RHOBTB1: variants seen among roughly 807,000 people sequenced by gnomAD.
The protein encoded by RHOBTB1 is rho-related BTB domain-containing protein 1.
A neutral mutation model predicts 71.6 loss-of-function variants in RHOBTB1; 40 were observed. The observed-to-expected ratio is 0.56, with a 90% CI of 0.43 to 0.73. The LOEUF (loss-of-function observed/expected upper bound fraction) is 0.73, where lower values mean the gene tolerates loss of function less well. Ranked by LOEUF, RHOBTB1 falls within the 30% of genes least tolerant of loss-of-function variation. RHOBTB1 has a pLI of 0.00. For missense variants in RHOBTB1, 797 were observed against 894.0 expected, an observed-to-expected ratio of 0.89 and a Z score of 1.38; for synonymous variants, 319 against 334.9, an observed-to-expected ratio of 0.95 and a Z score of 0.52.
At chr10:60,891,897 C>T (rs114365431) in intron 5 of RHOBTB1, among the ~76,000 whole-genome samples, 1,699 of 152,100 alleles carry the variant, frequency 0.011, 30 homozygotes, top group African/African-American at 0.039. Context: ...ATCGTGGGGG[C>T]GGTTCCCCCA....
intron 2 of RHOBTB1, among the ~76,000 whole-genome samples, chr10:60,930,427 T>C (rs992953665): frequency 1.3e-5 from 2 of 152,178 alleles, no homozygotes; most frequent in Non-Finnish European, 2.9e-5. Context: ...ATGCTTATGA[T>C]GAGTTTGCAA....
At position 60,968,281 on chromosome 10, in the gene RHOBTB1, G is replaced by C. The variant is rs183187707; in HGVS notation, c.-62+17564C>G. Among the ~76,000 whole-genome samples, 216 of 152,214 alleles carry C rather than the reference G, an allele frequency of 1.4e-3. 1 individual carries two copies. Among genetic ancestry groups the C allele is most frequent in the Middle Eastern group, 0.01 (3 of 294 alleles). ...AGATGACATGGAAGGGTGGTAAGTGGGCGTGGCATGTGGTCAGGTGTAGGA... is the reference window on the plus strand; with the variant it reads ...AGATGACATGGAAGGGTGGTAAGTGCGCGTGGCATGTGGTCAGGTGTAGGA... On this transcript the variant is annotated intron_variant, in intron 2 of 11. Coordinates refer to the RHOBTB1 transcript ENST00000357917.
chr10:60,941,266 A>C (rs1042360843), intron 2 of RHOBTB1, among the ~76,000 whole-genome samples: 3 of 152,184 alleles, frequency 2.0e-5, no homozygotes, highest in African/African-American at 7.2e-5. Flanking sequence ...AGAATTGAAC[A>C]TATTATCTAA....
intron 9 of RHOBTB1, among the ~76,000 whole-genome samples, chr10:60,874,600 G>T (rs2080953406): frequency 6.6e-6 from 1 of 152,114 alleles, no homozygotes; most frequent in African/African-American, 2.4e-5. Flanking sequence ...GGCACTACGG[G>T]GCTTCATGGA....
At chr10:60,874,892 T>C in intron 9 of RHOBTB1, 62 bp downstream of exon 9, 3 of 1,129,350 alleles carry the variant, frequency 2.7e-6, no homozygotes, top group Non-Finnish European at 4.1e-6. Context: ...ATGGAATGTT[T>C]TATCAGCATT....
intron 7 of RHOBTB1, among the ~76,000 whole-genome samples, chr10:60,881,403 G>A (rs1259330864): frequency 2.6e-5 from 4 of 152,094 alleles, no homozygotes; most frequent in South Asian, 2.1e-4. Context: ...TTTACAAAGC[G>A]CTAAGTGCTC....
intron 4 of RHOBTB1, among the ~76,000 whole-genome samples, chr10:60,900,080 G>C (rs546768452): frequency 6.6e-6 from 1 of 152,302 alleles, no homozygotes; most frequent in African/African-American, 2.4e-5. Flanking sequence ...ATGCCATTCT[G>C]CTGGAGCACA....
At chr10:60,914,652 A>T (rs74155412) in intron 2 of RHOBTB1, among the ~76,000 whole-genome samples, 2,371 of 152,272 alleles carry the variant, frequency 0.016, 73 homozygotes, top group African/African-American at 0.054. Flanking sequence ...AAGCTGAATC[A>T]TAGCAGCACT....
intron 2 of RHOBTB1, among the ~76,000 whole-genome samples, chr10:60,967,698 T>C (rs772360710): frequency 2.0e-5 from 3 of 152,118 alleles, no homozygotes; most frequent in Non-Finnish European, 4.4e-5. Context: ...CTAAATGCCT[T>C]CAGGGGTGAG....
chr10:60,892,589 G>C (rs1391586514), intron 5 of RHOBTB1, among the ~76,000 whole-genome samples: 3 of 152,110 alleles, frequency 2.0e-5, no homozygotes, highest in Non-Finnish European at 4.4e-5. Flanking sequence ...TTCAAGTGCT[G>C]TCCAATCATT....
At chr10:60,994,300 G>A (rs2086970008) in intron 1 of RHOBTB1, among the ~76,000 whole-genome samples, 1 of 152,142 alleles carries the variant, frequency 6.6e-6, no homozygotes, top group Non-Finnish European at 1.5e-5. Context: ...TCAAATGGTA[G>A]TATACTACAA....
chr10:60,957,085 C>T (rs1186335282), intron 2 of RHOBTB1, among the ~76,000 whole-genome samples: 1 of 152,100 alleles, frequency 6.6e-6, no homozygotes, highest in Non-Finnish European at 1.5e-5. Flanking sequence ...ATGGAGCTGT[C>T]CTCTCCTATG....
intron 5 of RHOBTB1, among the ~76,000 whole-genome samples, chr10:60,890,161 C>T (rs1216238434): frequency 1.3e-5 from 2 of 152,058 alleles, no homozygotes; most frequent in African/African-American, 4.8e-5. Flanking sequence ...TTAAATGATC[C>T]ACTTCCTACA....
rs568153773 is a variant in RHOBTB1, at chr10:60,870,195, CT to C, written c.*1286del. On this transcript the variant is annotated 3_prime_UTR_variant, in exon 11 of 11. Coordinates refer to ENST00000337910, the MANE Select transcript of RHOBTB1 (RefSeq NM_014836.5). Reference sequence around the variant, plus strand: ...TTACAGAGAAGCAATGACTGACTGCCTCACGAAAGCTCCCCTGCTGTCACAC... The same window carrying C: ...TTACAGAGAAGCAATGACTGACTGCCCACGAAAGCTCCCCTGCTGTCACAC... 3.1e-4 allele frequency: 48 copies of C among 152,686 alleles called. No homozygotes were observed. The highest frequency in any genetic ancestry group is 1.1e-3 in the African/African-American group (46 of 41,532). 9.5% of individuals were successfully genotyped at this position (152,686 alleles called of 1,614,324 possible).
chr10:60,992,713 G>C (rs1589477276), intron 1 of RHOBTB1, among the ~76,000 whole-genome samples: 2 of 152,070 alleles, frequency 1.3e-5, no homozygotes, highest in Non-Finnish European at 2.9e-5. Flanking sequence ...AATTAGAATA[G>C]TATCAGTTAT....
intron 2 of RHOBTB1, among the ~76,000 whole-genome samples, chr10:60,956,661 CTT>C (rs770963951): frequency 3.5e-5 from 5 of 144,070 alleles, no homozygotes; most frequent in Admixed American, 7.0e-5. Flanking sequence ...ACTTTTTAGA[CTT>C]TTTTTTTTTT....
At position 60,942,991 on chromosome 10, in the gene RHOBTB1, C is replaced by CA. The variant is rs199713245; in HGVS notation, c.-62+979dup. ...CTGGAGTTCAACAAGGCTCAGTGAACAGCACAGGATGGGGAAGTTCAAAGT... is the reference window on the plus strand; with the variant it reads ...CTGGAGTTCAACAAGGCTCAGTGAACAAGCACAGGATGGGGAAGTTCAAAGT... On this transcript the variant is annotated intron_variant, in intron 1 of 10. Transcript: ENST00000337910. Among the ~76,000 whole-genome samples the CA allele has an allele frequency of 1.8e-3, 269 of 152,178 alleles. 8 individuals carry two copies. The East Asian group carries it at 0.035, about 20-fold the overall frequency.
rs775420246 is a variant in RHOBTB1 at position 60,892,926 on chromosome 10, C to T, written c.366G>A (p.Trp122Ter). Residue 122 changes from tryptophan (W) to a stop codon, truncating the protein, a stop_gained, in exon 5 of 11, where the codon TGG becomes TGA. Coordinates refer to ENST00000337910, the MANE Select transcript of RHOBTB1 (RefSeq NM_014836.5). LOFTEE classifies it high-confidence loss of function. ...PNSLNHVKSM[W>*]YPEIKHFCPR... is the part of the protein sequence containing the mutation. The stretch of plus-strand genomic sequence containing the variant: ...GGCAAAAGTGCTTGATTTCTGGATA[C>T]CACATGCTTTTCACATGATTTAGGG... 5 of 1,613,854 alleles carry T rather than the reference C, an allele frequency of 3.1e-6. No homozygotes were observed. Among genetic ancestry groups the T allele is most frequent in the Non-Finnish European group, 4.2e-6 (5 of 1,179,912 alleles).
chr10:60,881,320 T>C (rs1399708197), intron 7 of RHOBTB1, among the ~76,000 whole-genome samples: 1 of 152,206 alleles, frequency 6.6e-6, no homozygotes, highest in Non-Finnish European at 1.5e-5. Flanking sequence ...ATTAGTATAG[T>C]TTTTTAAATA....
Sources: allele counts gnomAD v4.1 joint callset (sites outside exome capture counted in the v4.1 genomes callset), GRCh38; gene constraint gnomAD v4.1.1; transcripts MANE v1.5; gene names NCBI Gene and HGNC (gene_info 2026-07-23, HGNC 2026-07-21).